DNAH7: variants seen among roughly 807,000 people sequenced by gnomAD.
DNAH7 encodes axonemal beta dynein heavy chain 7.
DNAH7 carries 397 observed loss-of-function variants against 444.6 expected under a neutral mutation model. That is an observed-to-expected ratio of 0.89 (90% CI 0.82 to 0.97). The LOEUF is 0.97. DNAH7 is among the 50% of genes least tolerant of loss of function. DNAH7 has a pLI of 0.00. For synonymous variants in DNAH7, 1,636 were observed against 1,624.4 expected (o/e 1.01, Z -0.17); for missense variants, 4,902 against 4,800.8 (o/e 1.02, Z -0.62).
At chr2:196,050,433 C>A (rs1697393660) in intron 3 of DNAH7, among the ~76,000 whole-genome samples, 1 of 152,058 alleles carries the variant, frequency 6.6e-6, no homozygotes, top group South Asian at 2.1e-4. Flanking sequence ...AATAATTATA[C>A]AACAATGTGA....
At chr2:195,783,171 TAA>T (rs533947804) in intron 58 of DNAH7, among the ~76,000 whole-genome samples, 31 of 152,300 alleles carry the variant, frequency 2.0e-4, no homozygotes, top group African/African-American at 7.2e-4. Context: ...ATTGAATATA[TAA>T]GTCATTTCAA....
chr2:195,979,160 T>A (rs1692396401), intron 15 of DNAH7, among the ~76,000 whole-genome samples: 1 of 152,176 alleles, frequency 6.6e-6, no homozygotes, highest in Admixed American at 6.6e-5. Flanking sequence ...ATCCAATGGC[T>A]GCAAAATACA....
At chr2:196,001,553 G>A in intron 11 of DNAH7, 122 bp downstream of exon 11, 1 of 919,492 alleles carries the variant, frequency 1.1e-6, no homozygotes, top group Non-Finnish European at 1.5e-6. Context: ...TTTAAGATAA[G>A]TGTAATAGGT....
chr2:195,971,049 T>A (rs1197806456), intron 16 of DNAH7, among the ~76,000 whole-genome samples: 1 of 152,216 alleles, frequency 6.6e-6, no homozygotes, highest in Non-Finnish European at 1.5e-5. Context: ...TTTTCTGCAG[T>A]TTTTAAAAAA....
intron 17 of DNAH7, among the ~76,000 whole-genome samples, chr2:195,964,668 C>T (rs930868736): frequency 3.4e-5 from 5 of 145,790 alleles, no homozygotes; most frequent in African/African-American, 1.3e-4. Context: ...AGTTCGAGAC[C>T]AGCCTGGCCA....
chr2:195,797,663 C>T (rs550961661), intron 55 of DNAH7, among the ~76,000 whole-genome samples: 1 of 152,338 alleles, frequency 6.6e-6, no homozygotes, highest in African/African-American at 2.4e-5. Context: ...TCTTCCTGGA[C>T]TTTCAATAGC....
At chr2:196,017,219 T>A (rs886351950) in intron 9 of DNAH7, among the ~76,000 whole-genome samples, 2 of 152,140 alleles carry the variant, frequency 1.3e-5, no homozygotes, top group Admixed American at 6.5e-5. Context: ...TTCACCATCT[T>A]CGGCAGGCTG....
intron 25 of DNAH7, 117 bp from the exon 26 acceptor site, chr2:195,907,126 T>C (rs1687076811): frequency 4.1e-6 from 3 of 732,736 alleles, no homozygotes; most frequent in African/African-American, 1.8e-5. Context: ...AAATTGCTTA[T>C]TCGCCTTTAT....
In DNAH7 at chr2:195,861,916, C is replaced by T; in HGVS notation, c.7537G>A (p.Ala2513Thr). The T allele has an allele frequency of 1.2e-6, 2 of 1,613,848 alleles. No individual in the cohort carries two copies. The highest frequency in any genetic ancestry group is 1.7e-6 in the Non-Finnish European group (2 of 1,179,806). The change falls in exon 42 of 65, where the codon GCC becomes ACC. Residue 2513 changes from alanine (A) to threonine (T), a missense_variant. Transcript: ENST00000312428. ...TCAATTTCTTCCAAGAATCGTGAGGCAACTGCCTGGAGTGCATCTTCAGGC... is the reference window on the plus strand; with the variant it reads ...TCAATTTCTTCCAAGAATCGTGAGGTAACTGCCTGGAGTGCATCTTCAGGC... ...SWPEDALQAV[A>T]SRFLEEIEMS...
chr2:195,987,248 T>G, intron 13 of DNAH7, 55 bp from the exon 14 acceptor site: 2 of 1,371,510 alleles, frequency 1.5e-6, no homozygotes, highest in South Asian at 3.3e-5. Flanking sequence ...AAATAAATTT[T>G]CACAATTTTG....
chr2:195,916,340 T>C (rs984508327), intron 24 of DNAH7, among the ~76,000 whole-genome samples: 60 of 152,316 alleles, frequency 3.9e-4, no homozygotes, highest in African/African-American at 1.4e-3. Flanking sequence ...CTTTTCTTTT[T>C]TTTGAGACAA....
chr2:195,906,453 CTT>C (rs397870111), intron 27 of DNAH7, among the ~76,000 whole-genome samples: 11,327 of 114,474 alleles, frequency 0.099, 1,009 homozygotes, highest in African/African-American at 0.26. Flanking sequence ...TTCTTTCTTT[CTT>C]TTTTTTTTTT....
At chr2:195,890,990 C>A (rs1369621194) in intron 31 of DNAH7, among the ~76,000 whole-genome samples, 1 of 152,230 alleles carries the variant, frequency 6.6e-6, no homozygotes, top group African/African-American at 2.4e-5. Context: ...CCCGTATAAT[C>A]ACATGCTCTG....
At chr2:196,012,312 T>C (rs1694769506) in intron 10 of DNAH7, among the ~76,000 whole-genome samples, 1 of 152,158 alleles carries the variant, frequency 6.6e-6, no homozygotes, top group African/African-American at 2.4e-5. Context: ...CAAGGAGATA[T>C]TCAATTATCA....
At position 195,922,694 on chromosome 2, in the gene DNAH7, T is replaced by C. The variant is rs528023833; in HGVS notation, c.3826-497A>G. Among the ~76,000 whole-genome samples, 5 of 152,230 alleles carry C rather than the reference T, an allele frequency of 3.3e-5. No homozygotes were observed. In the East Asian group the frequency reaches 9.7e-4, roughly 29 times the overall value. On this transcript the variant is annotated intron_variant, in intron 23 of 64. Coordinates refer to ENST00000312428, the MANE Select transcript of DNAH7 (RefSeq NM_018897.3). The stretch of plus-strand genomic sequence containing the variant: ...CCCAAGACTTCCACAAAAGCCTATA[T>C]GATGAAAACTATGCACCTGTCTATG...
chr2:195,875,653 A>T lies in DNAH7; in HGVS notation c.6286+22T>A, dbSNP rs917954273. The T allele has an allele frequency of 2.6e-6, 4 of 1,537,420 alleles. No homozygotes were observed. In the African/African-American group the frequency reaches 5.5e-5, roughly 21 times the overall value. ...CTAGGGAGATTTTTCCATCTTAGTA[A>T]TCACAAACTCAAAAAATGTACCTGG... On this transcript the variant is annotated intron_variant, in intron 38 of 64. Transcript: ENST00000312428.
intron 19 of DNAH7, among the ~76,000 whole-genome samples, chr2:195,940,394 T>G (rs28822738): frequency 0.014 from 2,166 of 152,108 alleles, 58 homozygotes; most frequent in African/African-American, 0.049. Flanking sequence ...AAAGACTTAA[T>G]TGTAAAACTT....
chr2:195,953,940 A>G (rs988552198), intron 19 of DNAH7, among the ~76,000 whole-genome samples: 2 of 152,212 alleles, frequency 1.3e-5, no homozygotes, highest in African/African-American at 4.8e-5. Flanking sequence ...AGCTCTTTGG[A>G]GAGCATGAGC....
chr2:195,768,029 T>C (rs1011383748), intron 61 of DNAH7, among the ~76,000 whole-genome samples: 1 of 151,658 alleles, frequency 6.6e-6, no homozygotes, highest in African/African-American at 2.4e-5. Flanking sequence ...ATTCTTAAAT[T>C]TGATAACTGT....
Sources: allele counts gnomAD v4.1 joint callset (sites outside exome capture counted in the v4.1 genomes callset), GRCh38; gene constraint gnomAD v4.1.1; transcripts MANE v1.5; gene names NCBI Gene and HGNC (gene_info 2026-07-23, HGNC 2026-07-21).